ABR: variants seen among roughly 807,000 people sequenced by gnomAD.
ABR encodes the protein ABR activator of RhoGEF and GTPase.
Under a neutral mutation model 107.2 loss-of-function variants are expected in ABR, and 35 were observed. The ratio of observed to expected loss-of-function variants is 0.33; its 90% CI spans 0.25 to 0.43. The LOEUF is 0.43. ABR is among the 20% of genes least tolerant of loss of function. The pLI is 1.00. For missense variants in ABR, 815 were observed against 1,115.2 expected (o/e 0.73, Z 3.83); for synonymous variants, 498 against 462.0 (o/e 1.08, Z -1.00).
chr17:1,016,317 C>CTTTT (rs151002591), intron 16 of ABR, among the ~76,000 whole-genome samples: 1 of 134,912 alleles, frequency 7.4e-6, no homozygotes, highest in Non-Finnish European at 1.6e-5. Context: ...CCCAACGTTT[C>CTTTT]TTTTTTTTTT....
intron 4 of ABR, among the ~76,000 whole-genome samples, chr17:1,087,795 C>T (rs548403939): frequency 6.6e-6 from 1 of 152,314 alleles, no homozygotes; most frequent in African/African-American, 2.4e-5. Context: ...GCACACCACC[C>T]TCCCAGGAGC....
At chr17:1,091,965 G>A in intron 3 of ABR, 115 bp from the exon 4 acceptor site, 2 of 1,130,270 alleles carry the variant, frequency 1.8e-6, no homozygotes, top group East Asian at 2.4e-5. Context: ...CCCAGACAAG[G>A]CTGCCAAAGG....
intron 10 of ABR, among the ~76,000 whole-genome samples, chr17:1,059,702 A>T (rs2033713602): frequency 6.6e-6 from 1 of 151,862 alleles, no homozygotes; most frequent in Non-Finnish European, 1.5e-5. Flanking sequence ...TTCGTAAAGG[A>T]CCCCCTCCCT....
intron 16 of ABR, among the ~76,000 whole-genome samples, chr17:1,038,276 C>T (rs187985092): frequency 5.3e-5 from 8 of 152,148 alleles, no homozygotes; most frequent in Admixed American, 2.0e-4. Context: ...CCGAAGGCCT[C>T]GCTCTCCCTC....
At chr17:1,182,764 G>A (rs2042176452), upstream of ABR, among the ~76,000 whole-genome samples, 1 of 152,178 alleles carries the variant, frequency 6.6e-6, no homozygotes, top group Admixed American at 6.5e-5. Context: ...GGGTCCATGG[G>A]GTTAGAGACC....
At position 1,168,644 on chromosome 17, in the gene ABR, C is replaced by T. The variant is rs2041600520; in HGVS notation, c.61+11023G>A. On this transcript the variant is annotated intron_variant, in intron 1 of 22. Transcript: ENST00000302538. ...AGGAGAGAAAATGGTCTAGCACAGCCACAGGCAGTTGGAAAGGGAACAGTG... is the reference window on the plus strand; with the variant it reads ...AGGAGAGAAAATGGTCTAGCACAGCTACAGGCAGTTGGAAAGGGAACAGTG... 3.3e-5 allele frequency among the ~76,000 whole-genome samples: 5 copies of T among 152,314 alleles called. No individual in the cohort carries two copies. In the South Asian group the frequency reaches 1.0e-3, roughly 32 times the overall value.
intron 1 of ABR, among the ~76,000 whole-genome samples, chr17:1,146,444 G>C (rs140260596): frequency 6.6e-6 from 1 of 152,142 alleles, no homozygotes; most frequent in African/African-American, 2.4e-5. Context: ...AAGGTGAAAC[G>C]GAATGATAGG....
Position 1,070,925 on chromosome 17 carries a change from G to C in ABR, c.895-835C>G, listed in dbSNP as rs2035187932. ...CACCTGTCATCCCAGCAATTTGGGAGGCTGAGGCGGGTGGATCACCTGAGG... is the reference window on the plus strand; with the variant it reads ...CACCTGTCATCCCAGCAATTTGGGACGCTGAGGCGGGTGGATCACCTGAGG... On this transcript the variant is annotated intron_variant, in intron 8 of 22. Transcript: ENST00000302538. This position sits in a 1 kb window ranked among gnomAD's most constrained non-coding sequence, Gnocchi z 4.2. Among the ~76,000 whole-genome samples the C allele has an allele frequency of 6.6e-6, 1 of 152,218 alleles. No individual in the cohort carries two copies. Among genetic ancestry groups the C allele is most frequent in the Non-Finnish European group, 1.5e-5 (1 of 68,034 alleles).
chr17:1,151,155 G>C (rs905548992), intron 1 of ABR, among the ~76,000 whole-genome samples: 5 of 152,022 alleles, frequency 3.3e-5, no homozygotes, highest in Non-Finnish European at 7.4e-5. Context: ...AAGTTCACAG[G>C]GTTTCTGTGA....
intron 16 of ABR, among the ~76,000 whole-genome samples, chr17:1,019,090 G>A (rs2071423787): frequency 6.6e-6 from 1 of 152,142 alleles, no homozygotes; most frequent in Non-Finnish European, 1.5e-5. Flanking sequence ...GACCCGGTGG[G>A]CAGACCTGGT....
At chr17:1,020,208 G>A (rs1180093774) in intron 16 of ABR, among the ~76,000 whole-genome samples, 2 of 151,934 alleles carry the variant, frequency 1.3e-5, no homozygotes, top group African/African-American at 2.4e-5. Context: ...TCAGCCTCCC[G>A]AGTAGCTGGG....
At chr17:1,125,654 T>G (rs2039567086) in intron 1 of ABR, 2 of 349,886 alleles carry the variant, frequency 5.7e-6, no homozygotes, top group Non-Finnish European at 5.1e-6. Context: ...AAGCTGCTGT[T>G]TTCTTTGCCT....
chr17:1,130,009 AAAG>A (rs2039756423), intron 1 of ABR, among the ~76,000 whole-genome samples: 1 of 152,204 alleles, frequency 6.6e-6, no homozygotes, highest in South Asian at 2.1e-4. Flanking sequence ...AGAGGGATGG[AAAG>A]ATGGACAGCT....
rs1485542485 is a variant in ABR, at chr17:1,050,430, G to C, written c.1659+107C>G. 7.2e-6 allele frequency: 8 copies of C among 1,111,078 alleles called. No homozygotes were observed. In the Admixed American group the frequency reaches 1.1e-4, roughly 15 times the overall value. The allele number at this position is 1,111,078 out of a possible 1,614,324, so 68.8% of individuals were successfully genotyped here. ...CCAGAGGAGCAGGGAGCAGAAAGGGGGGTGCAGACATAGCTGGTCCAACCA... is the reference window on the plus strand; with the variant it reads ...CCAGAGGAGCAGGGAGCAGAAAGGGCGGTGCAGACATAGCTGGTCCAACCA... On this transcript the variant is annotated intron_variant, in intron 15 of 22. Coordinates refer to ENST00000302538, the MANE Select transcript of ABR (RefSeq NM_021962.5). This position sits in a 1 kb window ranked among gnomAD's most constrained non-coding sequence, Gnocchi z 4.6.
chr17:1,172,237 C>G (rs2041743361), intron 1 of ABR, among the ~76,000 whole-genome samples: 1 of 152,246 alleles, frequency 6.6e-6, no homozygotes, highest in South Asian at 2.1e-4. Context: ...TCAAAGGGCT[C>G]TTTGCCAAAT....
intron 1 of ABR, among the ~76,000 whole-genome samples, chr17:1,161,704 A>G (rs2041301254): frequency 6.6e-6 from 1 of 151,972 alleles, no homozygotes; most frequent in Non-Finnish European, 1.5e-5. Flanking sequence ...ACAGGCGTGT[A>G]CCACCACACC....
rs577461112 is a variant in ABR, at chr17:1,011,549, T to C, written c.2101+297A>G. 1 of 244,762 alleles carries C rather than the reference T, an allele frequency of 4.1e-6. No homozygotes were observed. Among genetic ancestry groups the C allele is most frequent in the South Asian group, 1.4e-4 (1 of 7,402 alleles). 15.2% of individuals were successfully genotyped at this position (244,762 alleles called of 1,614,324 possible). A position where few individuals can be genotyped will look rare whatever the true frequency, so the allele number is the denominator to read the frequency against. On this transcript the variant is annotated intron_variant, in intron 19 of 22. Transcript: ENST00000302538. The surrounding 1 kb of genome is among the most constrained non-coding windows in gnomAD (Gnocchi z 4.8). Reference sequence around the variant, plus strand: ...TGCGGCTCACCAGGCACCCAGGAACTAGCAAGAAAGACACTGGAGTCAGAT... The same window carrying C: ...TGCGGCTCACCAGGCACCCAGGAACCAGCAAGAAAGACACTGGAGTCAGAT...
chr17:1,056,818 G>A (rs1283604511), intron 13 of ABR, among the ~76,000 whole-genome samples, 180 bp downstream of exon 13: 2 of 152,196 alleles, frequency 1.3e-5, no homozygotes, highest in African/African-American at 4.8e-5. Context: ...GGGGTCATCT[G>A]GGAACTCAGT....
chr17:1,127,491 T>A (rs1312964465), intron 1 of ABR, among the ~76,000 whole-genome samples: 1 of 152,158 alleles, frequency 6.6e-6, no homozygotes, highest in Admixed American at 6.5e-5. Context: ...CCAGCTGGCC[T>A]GAGTCTGGGT....
Sources: allele counts gnomAD v4.1 joint callset (sites outside exome capture counted in the v4.1 genomes callset), GRCh38; gene constraint gnomAD v4.1.1; non-coding constraint Gnocchi (gnomAD v3.1); transcripts MANE v1.5; gene names NCBI Gene and HGNC (gene_info 2026-07-23, HGNC 2026-07-21).